The following HCK variants were observed in gnomAD, a reference collection of about 807,000 sequenced individuals.
HCK encodes the protein HCK proto-oncogene, Src family tyrosine kinase.
A neutral mutation model predicts 70.4 loss-of-function variants in HCK; 40 were observed. The observed-to-expected ratio is 0.57, with a 90% confidence interval of 0.44 to 0.74. The LOEUF is 0.74. Ranked by LOEUF, HCK falls within the 30% of genes least tolerant of loss-of-function variation. HCK has a pLI of 0.00. For missense variants in HCK, 568 were observed against 697.2 expected (o/e 0.81, Z 2.09); for synonymous variants, 245 against 263.2 (o/e 0.93, Z 0.67).
At chr20:32,064,269 C>T (rs2045424376) in intron 1 of HCK, among the ~76,000 whole-genome samples, 1 of 152,160 alleles carries the variant, frequency 6.6e-6, no homozygotes, top group Non-Finnish European at 1.5e-5. Context: ...GCTGGGATTA[C>T]AGGCATGAGC....
At chr20:32,084,267 C>A in intron 7 of HCK, 124 bp from the exon 8 acceptor site, 1 of 1,210,336 alleles carries the variant, frequency 8.3e-7, no homozygotes, top group South Asian at 1.6e-5. Context: ...GGGAATGTCT[C>A]TGATGGTGGC....
chr20:32,088,461 A>G, intron 9 of HCK, 107 bp from the exon 10 acceptor site: 1 of 711,584 alleles, frequency 1.4e-6, no homozygotes, highest in Non-Finnish European at 2.3e-6. Flanking sequence ...TACTACTATG[A>G]AAAATCTTCA....
rs1468998146 is a variant in HCK at position 32,052,434 on chromosome 20, C to T, written c.10C>T (p.Arg4Cys). ...CTCAGGGGCTGCCGAGCTGGGGGGGCGCTCAAGCTGCGAGGATCCGGGCTG... is the reference window on the plus strand; with the variant it reads ...CTCAGGGGCTGCCGAGCTGGGGGGGTGCTCAAGCTGCGAGGATCCGGGCTG... The change falls in exon 1 of 13, where the codon CGC (arginine) becomes TGC (cysteine). Residue 4 changes from arginine to cysteine, a missense_variant. Physicochemically the swap from Arg to Cys is radical, Grantham distance 180. Transcript: ENST00000375852. The T allele has an allele frequency of 3.1e-6, 4 of 1,282,266 alleles. No homozygotes were observed. The African/African-American group carries it at 4.6e-5, about 15-fold the overall frequency. 79.4% of individuals were successfully genotyped at this position (1,282,266 alleles called of 1,614,324 possible).
intron 5 of HCK, among the ~76,000 whole-genome samples, chr20:32,076,386 T>C (rs242598): frequency 0.48 from 73,158 of 151,912 alleles, 20,265 homozygotes; most frequent in African/African-American, 0.77. Context: ...CTCTTAGCTG[T>C]TTCTCTCTCC....
chr20:32,053,997 C>CT (rs34507358), intron 1 of HCK, among the ~76,000 whole-genome samples: 16 of 147,300 alleles, frequency 1.1e-4, no homozygotes, highest in East Asian at 4.0e-4. Flanking sequence ...CTTTATGGTC[C>CT]TTTTTTTTTT....
At chr20:32,099,696 C>A (rs1312105727) in intron 12 of HCK, among the ~76,000 whole-genome samples, 1 of 151,930 alleles carries the variant, frequency 6.6e-6, no homozygotes, top group Admixed American at 6.6e-5. Flanking sequence ...GGGTTTTGGC[C>A]ACTCGACTCC....
chr20:32,086,936 A>C, intron 9 of HCK, 129 bp downstream of exon 9: 1 of 761,816 alleles, frequency 1.3e-6, no homozygotes. Context: ...TCCAACAAGT[A>C]CTCATTGAGA....
chr20:32,073,886 C>A, intron 4 of HCK, 68 bp downstream of exon 4: 2 of 926,686 alleles, frequency 2.2e-6, no homozygotes, highest in Non-Finnish European at 3.4e-6. Context: ...CTCTTTTGTG[C>A]TTCCATAAAG....
chr20:32,071,958 A>G (rs983385024), intron 2 of HCK, 176 bp downstream of exon 2: 2 of 720,328 alleles, frequency 2.8e-6, no homozygotes, highest in African/African-American at 3.6e-5. Flanking sequence ...GCCAGCATGC[A>G]TAGGGGCAAA....
intron 3 of HCK, 26 bp downstream of exon 3, chr20:32,073,387 G>GTCCT: frequency 6.2e-7 from 1 of 1,602,298 alleles, no homozygotes; most frequent in Non-Finnish European, 8.5e-7. Flanking sequence ...CAGATGCAGT[G>GTCCT]GAGTCATGTG....
intron 10 of HCK, among the ~76,000 whole-genome samples, chr20:32,093,522 T>C (rs1045706713): frequency 6.7e-6 from 1 of 149,880 alleles, no homozygotes; most frequent in Non-Finnish European, 1.5e-5. Context: ...TGTGTGTGTG[T>C]GCATGTGCAC....
At position 32,073,333 on chromosome 20, in the gene HCK, C is replaced by T. The variant is rs2045571517; in HGVS notation, c.198C>T (p.His66=). 1 of 1,612,230 alleles carries T rather than the reference C, an allele frequency of 6.2e-7. No individual in the cohort carries two copies. The highest frequency in any genetic ancestry group is 8.5e-7 in the Non-Finnish European group (1 of 1,179,388). The change falls in exon 3 of 13, where the codon CAC becomes CAT. Residue 66 remains histidine, a synonymous_variant. Transcript: ENST00000375852. The stretch of plus-strand genomic sequence containing the variant: ...CTTCCCCACAGGGGCCTAATAGCCA[C>T]AACAGCAACACACCAGGAATCAGGG...
intron 1 of HCK, among the ~76,000 whole-genome samples, chr20:32,061,260 G>A (rs2045370662): frequency 6.6e-6 from 1 of 152,216 alleles, no homozygotes; most frequent in South Asian, 2.1e-4. Flanking sequence ...GGGATTACAG[G>A]CGTGAGCCAC....
intron 1 of HCK, among the ~76,000 whole-genome samples, chr20:32,058,889 G>A (rs1431556633): frequency 6.6e-6 from 1 of 152,184 alleles, no homozygotes; most frequent in Non-Finnish European, 1.5e-5. Flanking sequence ...AGGCTTGAGA[G>A]GTGAGGGAAC....
chr20:32,071,273 G>C (rs2045534444), intron 1 of HCK, among the ~76,000 whole-genome samples: 1 of 152,184 alleles, frequency 6.6e-6, no homozygotes, highest in Non-Finnish European at 1.5e-5. Flanking sequence ...GGTGCTGGTG[G>C]GGTGGAGGGG....
At chr20:32,063,101 C>T (rs1483706281) in intron 1 of HCK, among the ~76,000 whole-genome samples, 3 of 152,074 alleles carry the variant, frequency 2.0e-5, no homozygotes, top group Non-Finnish European at 4.4e-5. Context: ...ACTGACTAGC[C>T]GGGGGACCCA....
chr20:32,083,627 C>T (rs138471544), intron 6 of HCK, among the ~76,000 whole-genome samples: 2 of 152,262 alleles, frequency 1.3e-5, no homozygotes, highest in Non-Finnish European at 2.9e-5. Context: ...GGTAGGGAGG[C>T]GTGAGAACTA....
intron 11 of HCK, among the ~76,000 whole-genome samples, chr20:32,096,102 C>T (rs1472161088): frequency 6.6e-6 from 1 of 151,108 alleles, no homozygotes; most frequent in Non-Finnish European, 1.5e-5. Flanking sequence ...GTTGGCCAGG[C>T]TGGTCTCGAA....
chr20:32,088,108 G>A (rs1427999126), intron 9 of HCK, among the ~76,000 whole-genome samples: 1 of 152,054 alleles, frequency 6.6e-6, no homozygotes, highest in Non-Finnish European at 1.5e-5. Context: ...GTCTTGCGAT[G>A]TTGCCCAGGC....
Sources: allele counts gnomAD v4.1 joint callset (sites outside exome capture counted in the v4.1 genomes callset), GRCh38; gene constraint gnomAD v4.1.1; transcripts MANE v1.5; gene names NCBI Gene and HGNC (gene_info 2026-07-23, HGNC 2026-07-21).